The following SRMS variants were observed in gnomAD, a reference collection of about 807,000 sequenced individuals.
The protein encoded by SRMS is src-related kinase lacking C-terminal regulatory tyrosine and N-terminal myristylation sites, also known as tyrosine-protein kinase Srms.
SRMS carries 42 observed loss-of-function variants against 43.5 expected under a neutral mutation model. The ratio of observed to expected loss-of-function variants is 0.97; its 90% CI spans 0.75 to 1.25. The LOEUF is 1.25. Among genes scored for constraint, SRMS ranks in the 50% most tolerant of loss-of-function variants. The pLI is 0.00. For synonymous variants in SRMS, 316 were observed against 308.2 expected (o/e 1.03, Z -0.27); for missense variants, 703 against 681.0 (o/e 1.03, Z -0.36).
At position 63,543,325 on chromosome 20, in the gene SRMS, A is replaced by C; in HGVS notation, c.634T>G (p.Cys212Gly). Residue 212 changes from cysteine (C) to glycine (G), a missense_variant, in exon 3 of 8, where the codon TGC becomes GGC. Cys to Gly is a radical substitution (Grantham distance 159, BLOSUM62 -3). Coordinates refer to ENST00000217188, the MANE Select transcript of SRMS (RefSeq NM_080823.4). Reference protein sequence around the residue: ...KLIQNPLLQPCMPQKAPRQDV... With the variant: ...KLIQNPLLQPGMPQKAPRQDV... ...AGGCACAGGCCCACCTGGGGCATGC[A>C]GGGCTGCAGCAGGGGGTTCTGGATC... 1 of 1,612,498 alleles carries C rather than the reference A, an allele frequency of 6.2e-7. No individual in the cohort carries two copies. Among genetic ancestry groups the C allele is most frequent in the Non-Finnish European group, 8.5e-7 (1 of 1,179,906 alleles).
At chr20:63,546,044 CT>C (rs1000484792) in intron 1 of SRMS, among the ~76,000 whole-genome samples, 3 of 152,234 alleles carry the variant, frequency 2.0e-5, no homozygotes, top group Admixed American at 1.3e-4. Context: ...TGTGGTTAGT[CT>C]TTTAATCTCC....
In SRMS at chr20:63,547,322, G is replaced by C; in HGVS notation, c.142C>G (p.Pro48Ala). 6.3e-7 allele frequency: 1 copy of C among 1,596,628 alleles called. No individual in the cohort carries two copies. Among genetic ancestry groups the C allele is most frequent in the Non-Finnish European group, 8.6e-7 (1 of 1,169,318 alleles). ...TDPVPTLPAE[P>A]CSPFPQLFLA... The stretch of plus-strand genomic sequence containing the variant: ...AAGAGCTGAGGGAAGGGGCTGCAAG[G>C]CTCGGCGGGGAGCGTGGGCACTGGG... Residue 48 changes from proline to alanine, a missense_variant, in exon 1 of 8, where the codon CCT (proline) becomes GCT (alanine). Transcript: ENST00000217188.
rs190600197 is a variant in SRMS at position 63,546,861 on chromosome 20, C to A, written c.356+247G>T. ...CCAGCTGGTGCAGCTGATGCTCCCC[C>A]CCACAGGACCTGACCACGCCTGCCG... On this transcript the variant is annotated intron_variant, in intron 1 of 7. Coordinates refer to ENST00000217188, the MANE Select transcript of SRMS (RefSeq NM_080823.4). Among the ~76,000 whole-genome samples the A allele has an allele frequency of 6.7e-4, 102 of 152,326 alleles. 1 individual carries two copies. Among genetic ancestry groups the A allele is most frequent in the African/African-American group, 2.1e-3 (88 of 41,574 alleles).
chr20:63,542,787 C>A (rs747567898), intron 3 of SRMS, among the ~76,000 whole-genome samples: 3 of 152,154 alleles, frequency 2.0e-5, no homozygotes, highest in Non-Finnish European at 4.4e-5. Context: ...GCCTAAGTGG[C>A]ACCTTTGCCC....
rs1456064010 is a variant in SRMS, at chr20:63,547,690, C to G, written c.-227G>C. Among the ~76,000 whole-genome samples, 1 of 152,192 alleles carries G rather than the reference C, an allele frequency of 6.6e-6. No homozygotes were observed. Among genetic ancestry groups the G allele is most frequent in the African/African-American group, 2.4e-5 (1 of 41,456 alleles). On this transcript the variant is annotated 5_prime_UTR_variant, in exon 1 of 8. Coordinates refer to ENST00000217188, the MANE Select transcript of SRMS (RefSeq NM_080823.4). ...GGCTGGGTGGGGCGCAGGGCGGACC[C>G]CCTGCCTCAGGCACACCGACAGCAC...
Position 63,541,209 on chromosome 20 carries a change from C to T in SRMS, c.1267G>A (p.Gly423Ser), listed in dbSNP as rs1281485168. 9 of 1,562,816 alleles carry T rather than the reference C, an allele frequency of 5.8e-6. No individual in the cohort carries two copies. The highest frequency in any genetic ancestry group is 7.8e-6 in the Non-Finnish European group (9 of 1,160,148). The change falls in exon 7 of 8, where the codon GGC (glycine) becomes AGC (serine). Residue 423 changes from glycine (G) to serine (S), a missense_variant. Physicochemically the swap from Gly to Ser is moderately conservative, Grantham distance 56. Transcript: ENST00000217188. ...GACCCACCTTCATAGGGACACTGGC[C>T]ATAGGTGAAAACCTCGTGCAGCAGG... ...GVLLHEVFTY[G>S]QCPYEGMTNH... is the part of the protein sequence containing the mutation.
In SRMS at chr20:63,546,422, G is replaced by A. The variant is rs546060238; in HGVS notation, c.356+686C>T. ...AGCTGGATGCCAGACCAAGGCAGCC[G>A]CTCAGAGCAGCCGCACTGGGCATCT... is the stretch of plus-strand genomic sequence containing the variant. On this transcript the variant is annotated intron_variant, in intron 1 of 7. Transcript: ENST00000217188. Among the ~76,000 whole-genome samples the A allele has an allele frequency of 1.4e-3, 207 of 152,208 alleles. 1 individual carries two copies. Among genetic ancestry groups the A allele is most frequent in the Middle Eastern group, 3.4e-3 (1 of 294 alleles).
At chr20:63,541,654 G>A (rs752094838) in intron 5 of SRMS, 34 bp from the exon 6 acceptor site, 98 of 1,471,334 alleles carry the variant, frequency 6.7e-5, no homozygotes, top group South Asian at 5.5e-4. Context: ...TTTAGGGCAC[G>A]GGGCCAACGG....
At position 63,547,535 on chromosome 20, in the gene SRMS, G is replaced by A. The variant is rs538531209; in HGVS notation, c.-72C>T. 63 of 1,348,472 alleles carry A rather than the reference G, an allele frequency of 4.7e-5. No individual in the cohort carries two copies. Among genetic ancestry groups the A allele is most frequent in the East Asian group, 8.3e-5 (3 of 36,030 alleles). 83.5% of individuals were successfully genotyped at this position (1,348,472 alleles called of 1,614,324 possible). On this transcript the variant is annotated 5_prime_UTR_variant, in exon 1 of 8. Transcript: ENST00000217188. The stretch of plus-strand genomic sequence containing the variant: ...GCCCGGAAGAGGAACTGGCAGGGCC[G>A]GTGGGACCCGGTGTCCAGCGCTCCC...
chr20:63,542,313 T>C lies in SRMS; in HGVS notation c.796A>G (p.Lys266Glu). 6.2e-7 allele frequency: 1 copy of C among 1,608,822 alleles called. No homozygotes were observed. The highest frequency in any genetic ancestry group is 2.2e-5 in the East Asian group (1 of 44,710). The change falls in exon 5 of 8, where the codon AAG (lysine) becomes GAG (glutamate). Residue 266 changes from lysine (K) to glutamate (E), a missense_variant. Physicochemically the swap from Lys to Glu is moderately conservative, Grantham distance 56 (BLOSUM62 1). Transcript: ENST00000217188. Reference sequence around the variant, plus strand: ...ATCTCCTTGGCGAGGTCAGTGAGCTTCATGTTGGCTGCGAGAGAGGGTGTG... The same window carrying C: ...ATCTCCTTGGCGAGGTCAGTGAGCTCCATGTTGGCTGCGAGAGAGGGTGTG... The part of the protein sequence containing the change: ...AIKVIKSANM[K>E]LTDLAKEIQT...
chr20:63,542,003 G>C (rs1054478000), intron 5 of SRMS, among the ~76,000 whole-genome samples, 160 bp downstream of exon 5: 1 of 152,244 alleles, frequency 6.6e-6, no homozygotes, highest in African/African-American at 2.4e-5. Context: ...CCCCCTGTTG[G>C]CTGGAGACCA....
At chr20:63,544,576 TC>T (rs1252704381) in intron 1 of SRMS, among the ~76,000 whole-genome samples, 5 of 152,368 alleles carry the variant, frequency 3.3e-5, no homozygotes, top group Non-Finnish European at 7.3e-5. Context: ...CCGTGGGCTC[TC>T]CGTTAGCCCT....
At chr20:63,544,960 GGA>G (rs1350352953) in intron 1 of SRMS, among the ~76,000 whole-genome samples, 2 of 152,226 alleles carry the variant, frequency 1.3e-5, no homozygotes, top group African/African-American at 4.8e-5. Flanking sequence ...ATCCCATGCT[GGA>G]GAGTTGTGCC....
In SRMS at chr20:63,542,594, TG is replaced by T. The variant is rs1252801919; in HGVS notation, c.646-14del. On this transcript the variant is annotated splice_polypyrimidine_tract_variant and intron_variant, in intron 3 of 7. Coordinates refer to ENST00000217188, the MANE Select transcript of SRMS (RefSeq NM_080823.4). ...GCCTCGGGGCCTTCTGCAGGGAGGGTGGGCAGGGAGGCTGGTCAGCGTGGGC... is the reference window on the plus strand; with the variant it reads ...GCCTCGGGGCCTTCTGCAGGGAGGGTGGCAGGGAGGCTGGTCAGCGTGGGC... 2.8e-6 allele frequency: 3 copies of T among 1,084,590 alleles called. No homozygotes were observed. Among genetic ancestry groups the T allele is most frequent in the Admixed American group, 3.7e-5 (2 of 53,876 alleles). The allele number at this position is 1,084,590 out of a possible 1,614,324, so 67.2% of individuals were successfully genotyped here.
chr20:63,540,669 C>G lies in SRMS; in HGVS notation c.*149G>C, dbSNP rs1166266094. ...CCCAGCCCTCCGTCTGCACGTCTGCCTGGTGCACGAACATGTGTGCACGCC... is the reference window on the plus strand; with the variant it reads ...CCCAGCCCTCCGTCTGCACGTCTGCGTGGTGCACGAACATGTGTGCACGCC... On this transcript the variant is annotated 3_prime_UTR_variant, in exon 8 of 8. Transcript: ENST00000217188. 4 of 1,003,290 alleles carry G rather than the reference C, an allele frequency of 4.0e-6. No individual in the cohort carries two copies. Among genetic ancestry groups the G allele is most frequent in the African/African-American group, 3.3e-5 (2 of 60,410 alleles). 62.1% of individuals were successfully genotyped at this position (1,003,290 alleles called of 1,614,324 possible). A position where few individuals can be genotyped will look rare whatever the true frequency, so the allele number is the denominator to read the frequency against.
rs1437855333 is a variant in SRMS, at chr20:63,542,431, G to T, written c.787+9C>A. On this transcript the variant is annotated intron_variant, in intron 4 of 7. Transcript: ENST00000217188. ...GGCCCGGCCGTGGCGCAGGATCTCG[G>T]GGCCTCACCTGACTTGATGACCTTG... 1.9e-6 allele frequency: 3 copies of T among 1,609,086 alleles called. No homozygotes were observed. The highest frequency in any genetic ancestry group is 2.5e-6 in the Non-Finnish European group (3 of 1,177,604).
chr20:63,545,483 G>C (rs184692979), intron 1 of SRMS, among the ~76,000 whole-genome samples: 1 of 152,196 alleles, frequency 6.6e-6, no homozygotes, highest in African/African-American at 2.4e-5. Flanking sequence ...GAGAGGACCC[G>C]AGGTGGGCCT....
rs983512741 is a variant in SRMS at position 63,539,662 on chromosome 20, G to A, written c.*1156C>T. The stretch of plus-strand genomic sequence containing the variant: ...GAGCAGAAGCTTCCCTGAGCCAGAC[G>A]TGGGGAGACGAGGGCGGACCCTGCA... On this transcript the variant is annotated 3_prime_UTR_variant, in exon 8 of 8. Transcript: ENST00000217188. 2.6e-5 allele frequency among the ~76,000 whole-genome samples: 4 copies of A among 152,162 alleles called. No homozygotes were observed. The highest frequency in any genetic ancestry group is 9.7e-5 in the African/African-American group (4 of 41,436).
At chr20:63,542,841 G>A (rs535901799) in intron 3 of SRMS, among the ~76,000 whole-genome samples, 22 of 152,300 alleles carry the variant, frequency 1.4e-4, no homozygotes, top group South Asian at 6.2e-4. Context: ...GCCCCTGGCC[G>A]CGCTGTCATT....
Sources: allele counts gnomAD v4.1 joint callset (sites outside exome capture counted in the v4.1 genomes callset), GRCh38; gene constraint gnomAD v4.1.1; transcripts MANE v1.5; gene names NCBI Gene and HGNC (gene_info 2026-07-23, HGNC 2026-07-21).